The following SLC24A2 variants were observed in gnomAD, a reference collection of about 807,000 sequenced individuals.
SLC24A2 encodes sodium/potassium/calcium exchanger 2.
SLC24A2 carries 36 observed loss-of-function variants against 62.0 expected under a neutral mutation model. The observed-to-expected ratio is 0.58, with a 90% CI of 0.44 to 0.77. The LOEUF (loss-of-function observed/expected upper bound fraction) is 0.77, where lower values mean the gene tolerates loss of function less well. Ranked by LOEUF, SLC24A2 falls within the 30% of genes least tolerant of loss-of-function variation. The probability of loss-of-function intolerance (pLI) is 0.00; values close to 1 mark genes in which losing one functional copy is unlikely to be tolerated. For missense variants in SLC24A2, 846 were observed against 817.9 expected, an observed-to-expected ratio of 1.03 and a Z score of -0.42; for synonymous variants, 358 against 294.0, an observed-to-expected ratio of 1.22 and a Z score of -2.23.
At chr9:19,528,684 C>T (rs972813354) in intron 8 of SLC24A2, among the ~76,000 whole-genome samples, 2 of 152,136 alleles carry the variant, frequency 1.3e-5, no homozygotes, top group African/African-American at 4.8e-5. Flanking sequence ...GAAAGTCACA[C>T]AGAAAAAGCC....
the SLC24A2 span, among the ~76,000 whole-genome samples, chr9:20,023,800 C>A: frequency 1.5e-4 from 23 of 152,292 alleles, no homozygotes; most frequent in Admixed American, 1.5e-3. Flanking sequence ...AACAATCACT[C>A]CTCCTGCCCC....
chr9:20,006,405 T>C, the SLC24A2 span, among the ~76,000 whole-genome samples: 2 of 151,968 alleles, frequency 1.3e-5, no homozygotes, highest in East Asian at 1.9e-4. Context: ...TAGTATTTGA[T>C]AGCACAACAA....
At chr9:19,843,948 C>T in the SLC24A2 span, among the ~76,000 whole-genome samples, 3 of 152,150 alleles carry the variant, frequency 2.0e-5, no homozygotes, top group Non-Finnish European at 2.9e-5. Flanking sequence ...AGGTTGAATC[C>T]ATGTCTTTGC....
the SLC24A2 span, among the ~76,000 whole-genome samples, chr9:19,932,083 C>G: frequency 6.6e-6 from 1 of 152,108 alleles, no homozygotes; most frequent in African/African-American, 2.4e-5. Context: ...TCCCATTAAA[C>G]ATGAGCGTAT....
the SLC24A2 span, among the ~76,000 whole-genome samples, chr9:20,150,449 A>C: frequency 6.6e-6 from 1 of 152,012 alleles, no homozygotes. Flanking sequence ...TCAATGCATT[A>C]AATGCATTGA....
intron 5 of SLC24A2, 44 bp from the exon 6 acceptor site, chr9:19,577,066 A>AAG: frequency 6.6e-7 from 1 of 1,524,592 alleles, no homozygotes; most frequent in African/African-American, 1.4e-5. Flanking sequence ...AATGAGAAAG[A>AAG]AGAGAGTCTC....
chr9:19,953,084 G>A, the SLC24A2 span, among the ~76,000 whole-genome samples: 7 of 151,758 alleles, frequency 4.6e-5, no homozygotes, highest in Non-Finnish European at 1.0e-4. Context: ...AATGTTTTTA[G>A]CATTTAATGT....
At chr9:20,061,015 C>T in the SLC24A2 span, among the ~76,000 whole-genome samples, 3 of 152,106 alleles carry the variant, frequency 2.0e-5, no homozygotes, top group East Asian at 3.9e-4. Flanking sequence ...AACTACAAGG[C>T]GTTGCTGAAA....
At position 19,786,871 on chromosome 9, in the gene SLC24A2, G is replaced by A. The variant is rs1402694986; in HGVS notation, c.-5C>T. On this transcript the variant is annotated 5_prime_UTR_variant, in exon 2 of 11. Coordinates refer to ENST00000341998, the MANE Select transcript of SLC24A2 (RefSeq NM_020344.4). The surrounding 1 kb of genome is among the most constrained non-coding windows in gnomAD (Gnocchi z 5.0). Reference sequence around the variant, plus strand: ...GGTGCTTTGTTGCAGATCCATCCTGGGTCTTCTGGTGGATATGGTGATCTT... The same window carrying A: ...GGTGCTTTGTTGCAGATCCATCCTGAGTCTTCTGGTGGATATGGTGATCTT... 1.2e-6 allele frequency: 2 copies of A among 1,606,784 alleles called. No individual in the cohort carries two copies. Among genetic ancestry groups the A allele is most frequent in the Admixed American group, 3.3e-5 (2 of 59,918 alleles).
intron 7 of SLC24A2, 138 bp from the exon 8 acceptor site, chr9:19,550,406 G>A (rs117583992): frequency 1.3e-5 from 10 of 785,812 alleles, no homozygotes; most frequent in African/African-American, 3.5e-5. Flanking sequence ...TCATATGTGT[G>A]ATTTTGAGAT....
At chr9:20,024,996 G>C in the SLC24A2 span, among the ~76,000 whole-genome samples, 17 of 152,102 alleles carry the variant, frequency 1.1e-4, no homozygotes, top group Admixed American at 7.2e-4. Flanking sequence ...CAGGCCAGTG[G>C]TGTTCAAAGC....
chr9:19,708,598 G>T (rs1315052112), intron 2 of SLC24A2, among the ~76,000 whole-genome samples: 2 of 152,128 alleles, frequency 1.3e-5, no homozygotes, highest in Non-Finnish European at 2.9e-5. Flanking sequence ...TAGAAATAAT[G>T]CCACATATCT....
At chr9:20,006,679 G>C in the SLC24A2 span, among the ~76,000 whole-genome samples, 1 of 152,106 alleles carries the variant, frequency 6.6e-6, no homozygotes, top group Non-Finnish European at 1.5e-5. Flanking sequence ...TCAAGGCCTA[G>C]GGAATTCTCT....
intron 8 of SLC24A2, among the ~76,000 whole-genome samples, chr9:19,538,061 G>A (rs1467777958): frequency 3.2e-3 from 117 of 36,218 alleles, no homozygotes; most frequent in African/African-American, 0.015. Context: ...TTTGTATCCT[G>A]AGACTTTGCT....
At chr9:20,016,117 T>C in the SLC24A2 span, among the ~76,000 whole-genome samples, 2 of 152,228 alleles carry the variant, frequency 1.3e-5, no homozygotes, top group Admixed American at 1.3e-4. Flanking sequence ...AAGAGGAATG[T>C]ATAAATTGAT....
chr9:19,837,632 C>T, the SLC24A2 span, among the ~76,000 whole-genome samples: 1 of 152,046 alleles, frequency 6.6e-6, no homozygotes, highest in Non-Finnish European at 1.5e-5. Flanking sequence ...CAAATTGTCC[C>T]TGTTTGCAGA....
the SLC24A2 span, among the ~76,000 whole-genome samples, chr9:20,268,199 T>C: frequency 6.6e-6 from 1 of 152,172 alleles, no homozygotes. Context: ...TTGTTGACAG[T>C]ACATTGAAAA....
the SLC24A2 span, among the ~76,000 whole-genome samples, chr9:20,159,721 A>T: frequency 3.0e-4 from 46 of 151,690 alleles, no homozygotes; most frequent in African/African-American, 1.1e-3. Flanking sequence ...AGATAATAAA[A>T]GATTAAGTAA....
At chr9:20,191,392 G>T in the SLC24A2 span, among the ~76,000 whole-genome samples, 2 of 151,908 alleles carry the variant, frequency 1.3e-5, no homozygotes, top group African/African-American at 2.4e-5. Flanking sequence ...GTTCATAAAT[G>T]GTGCCTTCCC....
Sources: gnomAD v4.1 joint callset for allele counts (sites outside exome capture counted in the v4.1 genomes callset) on GRCh38, gnomAD v4.1.1 for gene constraint, Gnocchi (gnomAD v3.1) non-coding constraint, MANE v1.5 for transcripts, NCBI Gene and HGNC (gene_info 2026-07-23, HGNC 2026-07-21) for gene names.